Variants in PDCD10 observed in about 807,000 individuals in gnomAD.
PDCD10 encodes programmed cell death protein 10.
PDCD10 carries 4 observed loss-of-function variants against 29.2 expected under a neutral mutation model. The ratio of observed to expected loss-of-function variants is 0.14; its 90% CI spans 0.07 to 0.31. The LOEUF is 0.31. Among genes scored for constraint, PDCD10 ranks in the 10% least tolerant of loss-of-function variants. The pLI is 1.00. For missense variants in PDCD10, 183 were observed against 257.9 expected, an observed-to-expected ratio of 0.71 and a Z score of 1.99; for synonymous variants, 70 against 82.2, an observed-to-expected ratio of 0.85 and a Z score of 0.80.
chr3:167,702,788 G>C (rs1244748639), intron 4 of PDCD10, among the ~76,000 whole-genome samples: 1 of 152,074 alleles, frequency 6.6e-6, no homozygotes, highest in Non-Finnish European at 1.5e-5. Context: ...AAAAATACAA[G>C]CATCTTTACA....
Position 167,684,025 on chromosome 3 carries a change from T to G in PDCD10, c.*283A>C, listed in dbSNP as rs1158524020. On this transcript the variant is annotated 3_prime_UTR_variant, in exon 9 of 9. Transcript: ENST00000392750. ...AACAAACACCAATATTTACAATTCT[T>G]TTAAGGAATGTTATATAATGACACA... 1 of 279,956 alleles carries G rather than the reference T, an allele frequency of 3.6e-6. No homozygotes were observed. Among genetic ancestry groups the G allele is most frequent in the Non-Finnish European group, 7.0e-6 (1 of 143,610 alleles). The allele number at this position is 279,956 out of a possible 1,614,324, so 17.3% of individuals were successfully genotyped here.
At chr3:167,722,058 A>G (rs1723622411) in intron 2 of PDCD10, among the ~76,000 whole-genome samples, 2 of 152,126 alleles carry the variant, frequency 1.3e-5, no homozygotes, top group Non-Finnish European at 1.5e-5. Flanking sequence ...GGAAAACTTC[A>G]TAATAAAAAA....
At position 167,684,367 on chromosome 3, in the gene PDCD10, C is replaced by T. The variant is rs1365395465; in HGVS notation, c.580G>A (p.Ala194Thr). ...TTGGTTTGATGAATTAGTCGGTTGG[C>T]ACTTACGAACACATTTATTGCCCTG... ...DGKAINVFVS[A>T]NRLIHQTNLI... The change falls in exon 9 of 9, where the codon GCC (alanine) becomes ACC (threonine). Residue 194 changes from alanine to threonine, a missense_variant. Coordinates refer to ENST00000392750, the MANE Select transcript of PDCD10 (RefSeq NM_007217.4). The T allele has an allele frequency of 6.2e-7, 1 of 1,600,662 alleles. No individual in the cohort carries two copies. The highest frequency in any genetic ancestry group is 8.6e-7 in the Non-Finnish European group (1 of 1,168,398).
chr3:167,733,838 T>A (rs1343355658), intron 2 of PDCD10, among the ~76,000 whole-genome samples: 1 of 152,120 alleles, frequency 6.6e-6, no homozygotes, highest in Non-Finnish European at 1.5e-5. Flanking sequence ...AAATGAACTG[T>A]GAGAGTAGAG....
At chr3:167,697,231 C>A (rs1332252099) in intron 4 of PDCD10, 105 bp from the exon 5 acceptor site, 3 of 695,994 alleles carry the variant, frequency 4.3e-6, no homozygotes, top group Non-Finnish European at 7.8e-6. Flanking sequence ...ACACTGATAA[C>A]TTTTAAGGGC....
intron 3 of PDCD10, among the ~76,000 whole-genome samples, chr3:167,706,630 T>C (rs571965827): frequency 1.3e-5 from 2 of 152,324 alleles, no homozygotes; most frequent in African/African-American, 2.4e-5. Context: ...ATTATAATCT[T>C]ATGGGACAAC....
intron 4 of PDCD10, among the ~76,000 whole-genome samples, chr3:167,699,193 G>A (rs1721117103): frequency 6.6e-6 from 1 of 152,128 alleles, no homozygotes; most frequent in South Asian, 2.1e-4. Context: ...TCCTCTTGCA[G>A]ATATATTTTT....
At chr3:167,709,142 A>G (rs927818319) in intron 3 of PDCD10, among the ~76,000 whole-genome samples, 2 of 151,690 alleles carry the variant, frequency 1.3e-5, no homozygotes, top group Non-Finnish European at 2.9e-5. Context: ...ATTTTATCTT[A>G]ACATGAAAAA....
At chr3:167,690,143 G>A (rs1365113221) in intron 6 of PDCD10, among the ~76,000 whole-genome samples, 1 of 152,222 alleles carries the variant, frequency 6.6e-6, no homozygotes, top group Non-Finnish European at 1.5e-5. Flanking sequence ...GATAGTATGA[G>A]TAGAAGGAGA....
intron 4 of PDCD10, among the ~76,000 whole-genome samples, chr3:167,698,239 C>A (rs1721008868): frequency 6.6e-6 from 1 of 152,198 alleles, no homozygotes; most frequent in Admixed American, 6.5e-5. Context: ...ATCTTCGGAT[C>A]ATTTTAAATG....
intron 3 of PDCD10, among the ~76,000 whole-genome samples, chr3:167,705,206 C>T (rs1159210497): frequency 3.3e-5 from 5 of 151,898 alleles, no homozygotes; most frequent in African/African-American, 9.7e-5. Context: ...TTTCAGTGAA[C>T]CAAAGGCACA....
At chr3:167,709,089 T>A (rs752521600) in intron 3 of PDCD10, among the ~76,000 whole-genome samples, 1 of 152,080 alleles carries the variant, frequency 6.6e-6, no homozygotes, top group Non-Finnish European at 1.5e-5. Context: ...CCTACCTGCA[T>A]TGTGAAGAAT....
intron 3 of PDCD10, among the ~76,000 whole-genome samples, chr3:167,706,501 G>C (rs1559961831): frequency 6.6e-6 from 1 of 152,118 alleles, no homozygotes; most frequent in East Asian, 1.9e-4. Flanking sequence ...GATGTTTACT[G>C]AACTACTATA....
intron 3 of PDCD10, among the ~76,000 whole-genome samples, chr3:167,705,883 G>A (rs1721919782): frequency 6.6e-6 from 1 of 152,102 alleles, no homozygotes; most frequent in African/African-American, 2.4e-5. Flanking sequence ...CTATTACTAA[G>A]ATTAAAATAA....
At chr3:167,700,856 G>GA (rs1312338531) in intron 4 of PDCD10, among the ~76,000 whole-genome samples, 4 of 152,056 alleles carry the variant, frequency 2.6e-5, no homozygotes, top group African/African-American at 9.7e-5. Context: ...AATCTTTGAG[G>GA]AAAAAAATAT....
chr3:167,733,749 A>G (rs886428790), intron 2 of PDCD10, among the ~76,000 whole-genome samples: 2 of 152,222 alleles, frequency 1.3e-5, no homozygotes, highest in African/African-American at 4.8e-5. Flanking sequence ...GTCCTAAGGT[A>G]GAAAAAGAAA....
intron 5 of PDCD10, 102 bp downstream of exon 5, chr3:167,696,907 G>A (rs1364535206): frequency 1.3e-6 from 1 of 769,450 alleles, no homozygotes; most frequent in East Asian, 2.5e-5. Flanking sequence ...GGGAGGGAGG[G>A]AAAACAGTAG....
At chr3:167,711,117 A>T (rs575361582) in intron 3 of PDCD10, among the ~76,000 whole-genome samples, 1 of 152,314 alleles carries the variant, frequency 6.6e-6, no homozygotes, top group African/African-American at 2.4e-5. Context: ...ACCAGACACC[A>T]ACGAACATCC....
At chr3:167,697,639 C>T (rs1720947757) in intron 4 of PDCD10, among the ~76,000 whole-genome samples, 1 of 152,068 alleles carries the variant, frequency 6.6e-6, no homozygotes, top group African/African-American at 2.4e-5. Context: ...TATAATAATA[C>T]CTTAACTATT....
Sources: gnomAD v4.1 joint callset for allele counts (sites outside exome capture counted in the v4.1 genomes callset) on GRCh38, gnomAD v4.1.1 for gene constraint, MANE v1.5 for transcripts, NCBI Gene and HGNC (gene_info 2026-07-23, HGNC 2026-07-21) for gene names.